The following MYO3A variants were observed in gnomAD, a reference collection of about 807,000 sequenced individuals.
The protein encoded by MYO3A is myosin IIIA, also known as myosin-IIIa.
In MYO3A, 180 loss-of-function variants were observed where a neutral mutation model predicts 192.7. That is an observed-to-expected ratio of 0.93 (90% CI 0.83 to 1.06). The LOEUF (loss-of-function observed/expected upper bound fraction) is 1.06, where lower values mean the gene tolerates loss of function less well. MYO3A is among the 50% of genes least tolerant of loss of function. The pLI is 0.00. For synonymous variants in MYO3A, 628 were observed against 645.3 expected, an observed-to-expected ratio of 0.97 and a Z score of 0.41; for missense variants, 1,896 against 1,905.0, an observed-to-expected ratio of 1.00 and a Z score of 0.09.
intron 4 of MYO3A, among the ~76,000 whole-genome samples, chr10:25,961,733 T>C (rs771901151): frequency 2.6e-5 from 4 of 152,162 alleles, no homozygotes; most frequent in Non-Finnish European, 4.4e-5. Context: ...TACACATAAG[T>C]GGCTAGATGT....
intron 4 of MYO3A, among the ~76,000 whole-genome samples, chr10:25,990,579 GTA>G (rs1306920948): frequency 6.6e-6 from 1 of 151,654 alleles, no homozygotes; most frequent in East Asian, 1.9e-4. Flanking sequence ...TGTTACATAT[GTA>G]TACATGTGCC....
In MYO3A at chr10:26,211,959, C is replaced by T. The variant is rs752615488; in HGVS notation, c.4847C>T (p.Ser1616Phe). 1.9e-6 allele frequency: 3 copies of T among 1,612,324 alleles called. No homozygotes were observed. Among genetic ancestry groups the T allele is most frequent in the Non-Finnish European group, 1.7e-6 (2 of 1,178,630 alleles). The change falls in exon 35 of 35, where the codon TCC becomes TTC. Residue 1616 changes from serine (S) to phenylalanine (F), a missense_variant. Ser to Phe is a radical substitution (Grantham distance 155, BLOSUM62 -2). Transcript: ENST00000642920. ...TSQRRRLVQQ[S>F] is the part of the protein sequence containing the mutation. ...CAGCGCCGGCGCCTCGTCCAGCAGT[C>T]CTAACCGTTCAACGAGGCAGTCACC...
chr10:26,132,290 T>C (rs1030455439), intron 20 of MYO3A, among the ~76,000 whole-genome samples: 2 of 152,198 alleles, frequency 1.3e-5, no homozygotes, highest in African/African-American at 4.8e-5. Flanking sequence ...ACATGAGAAA[T>C]GTACATACCT....
Position 26,070,169 on chromosome 10 carries a change from T to C in MYO3A, c.1229T>C (p.Met410Thr). ...GCCAGTCCTCCTCACATTTTTGCAATGGCTGACTTAGGATATCAATCTATG... is the reference window on the plus strand; with the variant it reads ...GCCAGTCCTCCTCACATTTTTGCAACGGCTGACTTAGGATATCAATCTATG... ...RTASPPHIFA[M>T]ADLGYQSMIT... is the part of the protein sequence containing the mutation. The change falls in exon 13 of 35, where the codon ATG becomes ACG. Residue 410 changes from methionine to threonine, a missense_variant. Coordinates refer to ENST00000642920, the MANE Select transcript of MYO3A (RefSeq NM_017433.5). 2.5e-6 allele frequency: 4 copies of C among 1,612,602 alleles called. No individual in the cohort carries two copies. In the Middle Eastern group the frequency reaches 5.0e-4, roughly 200 times the overall value.
intron 4 of MYO3A, among the ~76,000 whole-genome samples, chr10:25,980,219 G>A (rs1335377756): frequency 2.0e-5 from 3 of 150,282 alleles, no homozygotes. Context: ...CCTGGGCAAC[G>A]GAGCGAGACT....
Position 26,203,098 on chromosome 10 carries a change from C to G in MYO3A, c.4721C>G (p.Ala1574Gly). 6.2e-7 allele frequency: 1 copy of G among 1,613,508 alleles called. No homozygotes were observed. Among genetic ancestry groups the G allele is most frequent in the South Asian group, 1.1e-5 (1 of 91,068 alleles). The change falls in exon 34 of 35, where the codon GCT (alanine) becomes GGT (glycine). Residue 1574 changes from alanine to glycine, a missense_variant. Ala to Gly is a moderately conservative substitution (Grantham distance 60, BLOSUM62 0). Transcript: ENST00000642920. ...QQELQNQCIK[A>G]NERCWAAESP... ...GAACTCCAGAATCAATGTATTAAGGCTAATGAAAGGTAAAAAGCTAAACTT... is the reference window on the plus strand; with the variant it reads ...GAACTCCAGAATCAATGTATTAAGGGTAATGAAAGGTAAAAAGCTAAACTT...
chr10:26,203,156 A>C, intron 34 of MYO3A, 49 bp downstream of exon 34: 1 of 1,573,040 alleles, frequency 6.4e-7, no homozygotes, highest in Non-Finnish European at 8.7e-7. Context: ...TATACTCACA[A>C]TTTCATTTCT....
At chr10:26,121,375 C>T (rs1245866101) in intron 18 of MYO3A, among the ~76,000 whole-genome samples, 1 of 151,922 alleles carries the variant, frequency 6.6e-6, no homozygotes, top group African/African-American at 2.4e-5. Flanking sequence ...TTTAGTGTTG[C>T]CTAGTATGCC....
chr10:26,007,537 C>T (rs1841310195), intron 6 of MYO3A, among the ~76,000 whole-genome samples: 1 of 152,148 alleles, frequency 6.6e-6, no homozygotes, highest in African/African-American at 2.4e-5. Flanking sequence ...AGCAAAGTCT[C>T]AGGATACAAA....
intron 17 of MYO3A, among the ~76,000 whole-genome samples, chr10:26,116,643 A>G (rs1475476672): frequency 1.3e-5 from 2 of 152,202 alleles, no homozygotes; most frequent in African/African-American, 4.8e-5. Flanking sequence ...AGCTGAGACT[A>G]AAAGTTCAGG....
In MYO3A at chr10:26,088,351, G is replaced by A. The variant is rs749920596; in HGVS notation, c.1508G>A (p.Gly503Glu). Residue 503 changes from glycine to glutamate, a missense_variant, in exon 15 of 35, where the codon GGA (glycine) becomes GAA (glutamate). Transcript: ENST00000642920. ...TTCACCTCTTCTGGAGCGGTAGTGG[G>A]AGCACAGATTTCTGAATATCTCCTG... The part of the protein sequence containing the change: ...MKFTSSGAVV[G>E]AQISEYLLEK... The A allele has an allele frequency of 1.2e-5, 19 of 1,613,830 alleles. No homozygotes were observed. The highest frequency in any genetic ancestry group is 3.3e-5 in the Admixed American group (2 of 59,996).
intron 6 of MYO3A, among the ~76,000 whole-genome samples, chr10:26,009,358 A>T (rs1232837423): frequency 6.6e-6 from 1 of 152,180 alleles, no homozygotes; most frequent in Non-Finnish European, 1.5e-5. Flanking sequence ...CATTGTGCAC[A>T]TGTACCCTAA....
chr10:26,050,808 A>T (rs1034345089), intron 10 of MYO3A, among the ~76,000 whole-genome samples: 1 of 152,070 alleles, frequency 6.6e-6, no homozygotes, highest in Non-Finnish European at 1.5e-5. Context: ...AAATCCTCTC[A>T]CCCAGCCCAG....
At chr10:25,943,768 T>TTGTGTGTGTG (rs58905708) in intron 2 of MYO3A, among the ~76,000 whole-genome samples, 33,682 of 142,428 alleles carry the variant, frequency 0.24, 4,417 homozygotes, top group South Asian at 0.3. Flanking sequence ...GTTCTAACAT[T>TTGTGTGTGTG]TGTGTGTGTG....
intron 4 of MYO3A, among the ~76,000 whole-genome samples, chr10:25,961,037 C>G (rs190245705): frequency 5.3e-5 from 8 of 152,140 alleles, no homozygotes; most frequent in Non-Finnish European, 7.4e-5. Flanking sequence ...GAGTTTAATT[C>G]TTGTTTGTGT....
At chr10:25,966,603 C>T (rs193293022) in intron 4 of MYO3A, among the ~76,000 whole-genome samples, 1 of 152,074 alleles carries the variant, frequency 6.6e-6, no homozygotes, top group Admixed American at 6.6e-5. Context: ...AGTTTTAGTA[C>T]CTTTATTCTT....
At chr10:26,078,949 A>G (rs1163468785) in intron 14 of MYO3A, among the ~76,000 whole-genome samples, 2 of 152,150 alleles carry the variant, frequency 1.3e-5, no homozygotes, top group African/African-American at 4.8e-5. Context: ...TATCTTGGAG[A>G]AAGTTCCATG....
chr10:26,201,167 T>C, intron 32 of MYO3A, 98 bp from the exon 33 acceptor site: 1 of 494,238 alleles, frequency 2.0e-6, no homozygotes, highest in Non-Finnish European at 3.3e-6. Flanking sequence ...CTTAGTCTTT[T>C]AAGAGTAAAT....
intron 26 of MYO3A, among the ~76,000 whole-genome samples, chr10:26,162,473 A>C (rs2131969941): frequency 6.6e-6 from 1 of 152,270 alleles, no homozygotes. Flanking sequence ...CTCATTTATG[A>C]TTTCCAGTTA....
Sources: allele counts gnomAD v4.1 joint callset (sites outside exome capture counted in the v4.1 genomes callset), GRCh38; gene constraint gnomAD v4.1.1; transcripts MANE v1.5; gene names NCBI Gene and HGNC (gene_info 2026-07-23, HGNC 2026-07-21).